The following TSC22D1 variants were observed in gnomAD, a reference collection of about 807,000 sequenced individuals.
TSC22D1 encodes TSC22 domain family member 1.
In TSC22D1, 9 loss-of-function variants were observed where a neutral mutation model predicts 74.2. The observed-to-expected ratio is 0.12, with a 90% CI of 0.07 to 0.21. The LOEUF is 0.21. Ranked by LOEUF, TSC22D1 falls within the 10% of genes least tolerant of loss-of-function variation. The pLI, the probability that TSC22D1 is intolerant of heterozygous loss-of-function variation, is 1.00. For missense variants in TSC22D1, 1,427 were observed against 1,304.7 expected, an observed-to-expected ratio of 1.09 and a Z score of -1.44; for synonymous variants, 586 against 492.5, an observed-to-expected ratio of 1.19 and a Z score of -2.51.
At chr13:44,493,398 G>A (rs55684354) in intron 1 of TSC22D1, among the ~76,000 whole-genome samples, 17,499 of 152,162 alleles carry the variant, frequency 0.12, 1,045 homozygotes, top group Non-Finnish European at 0.13. Context: ...CCTAACTCAA[G>A]ACTTTCTCAA....
chr13:44,537,948 AT>A, intron 1 of TSC22D1: 10 of 985,280 alleles, frequency 1.0e-5, no homozygotes, highest in Non-Finnish European at 1.2e-5. Context: ...AACTGGCAGC[AT>A]TAGGTGACTT....
chr13:44,551,543 C>T (rs1249514339), intron 1 of TSC22D1, among the ~76,000 whole-genome samples: 1 of 152,034 alleles, frequency 6.6e-6, no homozygotes, highest in East Asian at 1.9e-4. Flanking sequence ...GCCTCAGCCT[C>T]CCAAGTAGCT....
chr13:44,436,349 G>C (rs1874623788), intron 1 of TSC22D1: 3 of 1,106,870 alleles, frequency 2.7e-6, no homozygotes, highest in Non-Finnish European at 3.9e-6. Flanking sequence ...GGCCAGACTT[G>C]CAAAAATAAG....
chr13:44,534,557 T>C (rs1566158200), intron 1 of TSC22D1, among the ~76,000 whole-genome samples: 1 of 152,080 alleles, frequency 6.6e-6, no homozygotes, highest in East Asian at 1.9e-4. Flanking sequence ...TTTTTCTTTG[T>C]TTCTAGATAT....
chr13:44,454,425 C>T (rs572666255), intron 1 of TSC22D1, among the ~76,000 whole-genome samples: 5 of 152,148 alleles, frequency 3.3e-5, no homozygotes, highest in Admixed American at 6.5e-5. Context: ...AGAACAAACA[C>T]CCACAAACTG....
In TSC22D1 at chr13:44,433,912, A is replaced by G. The variant is rs1874274674; in HGVS notation, c.*714T>C. The G allele has an allele frequency of 1.0e-5, 14 of 1,405,736 alleles. No homozygotes were observed. The highest frequency in any genetic ancestry group is 1.4e-5 in the South Asian group (1 of 71,572). The allele number at this position is 1,405,736 out of a possible 1,614,324, so 87.1% of individuals were successfully genotyped here. ...CAGCCAATGAAACAACTAAATTTCAATCTGTACAACCTAAATAGTAGTTAC... is the reference window on the plus strand; with the variant it reads ...CAGCCAATGAAACAACTAAATTTCAGTCTGTACAACCTAAATAGTAGTTAC... On this transcript the variant is annotated 3_prime_UTR_variant, in exon 3 of 3. Coordinates refer to ENST00000458659, the MANE Select transcript of TSC22D1 (RefSeq NM_183422.4).
intron 1 of TSC22D1, among the ~76,000 whole-genome samples, chr13:44,556,636 C>T (rs753546679): frequency 2.0e-5 from 3 of 151,714 alleles, no homozygotes; most frequent in Non-Finnish European, 4.4e-5. Flanking sequence ...GAGGCCAAGA[C>T]GAGCAGATCA....
intron 1 of TSC22D1, among the ~76,000 whole-genome samples, chr13:44,535,961 GA>G (rs1167481539): frequency 2.6e-5 from 4 of 151,990 alleles, no homozygotes; most frequent in Admixed American, 6.5e-5. Flanking sequence ...AAAGCTTATA[GA>G]TTTTTTTTAT....
intron 1 of TSC22D1, among the ~76,000 whole-genome samples, chr13:44,562,822 T>C (rs2138204070): frequency 1.3e-5 from 2 of 152,266 alleles, no homozygotes; most frequent in East Asian, 3.9e-4. Flanking sequence ...AAACGCTAAA[T>C]TGAGCCGGGA....
At position 44,483,520 on chromosome 13, in the gene TSC22D1, A is replaced by T. The variant is rs565868363; in HGVS notation, c.2913-47425T>A. ...ACTACAAATACAAAAAATAAATAAA[A>T]AAATTAGCCGGGCGTGGTAGCAGGC... On this transcript the variant is annotated intron_variant, in intron 1 of 2. Coordinates refer to ENST00000458659, the MANE Select transcript of TSC22D1 (RefSeq NM_183422.4). 6.6e-5 allele frequency among the ~76,000 whole-genome samples: 10 copies of T among 152,214 alleles called. No individual in the cohort carries two copies. The South Asian group carries it at 1.5e-3, about 22-fold the overall frequency.
chr13:44,485,682 A>C (rs2137943589), intron 1 of TSC22D1, among the ~76,000 whole-genome samples: 1 of 152,286 alleles, frequency 6.6e-6, no homozygotes, highest in Non-Finnish European at 1.5e-5. Context: ...AAAAAATATT[A>C]TTTAGGAAGA....
intron 1 of TSC22D1, chr13:44,452,964 A>G (rs1240211253): frequency 6.6e-6 from 1 of 152,266 alleles, no homozygotes; most frequent in African/African-American, 2.4e-5. Flanking sequence ...TCAAAATGCT[A>G]ACAGGTTGGT....
intron 1 of TSC22D1, among the ~76,000 whole-genome samples, chr13:44,497,052 C>G (rs184972848): frequency 7.6e-4 from 115 of 152,226 alleles, no homozygotes; most frequent in Non-Finnish European, 1.4e-3. Flanking sequence ...CACTCTTCCA[C>G]TCTTAGATAT....
At chr13:44,466,551 T>C (rs1162070096) in intron 1 of TSC22D1, among the ~76,000 whole-genome samples, 1 of 151,856 alleles carries the variant, frequency 6.6e-6, no homozygotes, top group African/African-American at 2.4e-5. Flanking sequence ...GGCGAATCGC[T>C]TGAGCTCAGG....
At chr13:44,443,900 G>A (rs1875402978) in intron 1 of TSC22D1, among the ~76,000 whole-genome samples, 3 of 152,144 alleles carry the variant, frequency 2.0e-5, no homozygotes, top group African/African-American at 2.4e-5. Flanking sequence ...ATAGGAAAAT[G>A]TATAATCTAA....
At chr13:44,503,681 G>A (rs1382759762) in intron 1 of TSC22D1, among the ~76,000 whole-genome samples, 5 of 152,044 alleles carry the variant, frequency 3.3e-5, no homozygotes, top group African/African-American at 9.7e-5. Flanking sequence ...TTCTTAAAAG[G>A]TTGTAAAGAC....
chr13:44,568,505 TTA>T (rs959060189), intron 1 of TSC22D1, among the ~76,000 whole-genome samples: 2 of 151,712 alleles, frequency 1.3e-5, no homozygotes, highest in Non-Finnish European at 1.5e-5. Flanking sequence ...TTAAAAATAA[TTA>T]TATATATATA....
At position 44,573,383 on chromosome 13, in the gene TSC22D1, A is replaced by C. The variant is rs768222605; in HGVS notation, c.2692T>G (p.Ser898Ala). The C allele has an allele frequency of 5.0e-6, 8 of 1,614,158 alleles. No individual in the cohort carries two copies. The highest frequency in any genetic ancestry group is 1.1e-5 in the South Asian group (1 of 91,088). The change falls in exon 1 of 3, where the codon TCC becomes GCC. Residue 898 changes from serine (S) to alanine (A), a missense_variant. Ser to Ala is a moderately conservative substitution (Grantham distance 99, BLOSUM62 1). Coordinates refer to ENST00000458659, the MANE Select transcript of TSC22D1 (RefSeq NM_183422.4). ...ATTGCCTGAGCTAATGATTGTGCGG[A>C]GAACTGGGTAGAACTTAGTGGTATC... ...QQIPLSSTQF[S>A]AQSLAQAIGS...
intron 1 of TSC22D1, among the ~76,000 whole-genome samples, chr13:44,438,911 T>C (rs1874961884): frequency 6.6e-6 from 1 of 152,028 alleles, no homozygotes; most frequent in African/African-American, 2.4e-5. Flanking sequence ...GCCAACTTCA[T>C]GAAAAAAGGG....
Sources: gnomAD v4.1 joint callset for allele counts (sites outside exome capture counted in the v4.1 genomes callset) on GRCh38, gnomAD v4.1.1 for gene constraint, MANE v1.5 for transcripts, NCBI Gene and HGNC (gene_info 2026-07-23, HGNC 2026-07-21) for gene names.